The following SYTL2 variants were observed in gnomAD, a reference collection of about 807,000 sequenced individuals.
The protein encoded by SYTL2 is synaptotagmin-like protein 2.
A neutral mutation model predicts 198.7 loss-of-function variants in SYTL2; 165 were observed. The observed-to-expected ratio is 0.83, with a 90% confidence interval of 0.73 to 0.94. SYTL2 has a LOEUF of 0.94. SYTL2 is among the 40% of genes least tolerant of loss of function. SYTL2 has a pLI of 0.00. For synonymous variants in SYTL2, 966 were observed against 917.7 expected (o/e 1.05, Z -0.95); for missense variants, 2,835 against 2,582.8 (o/e 1.10, Z -2.12).
rs2089262836 is a variant in SYTL2, at chr11:85,726,896, T to A, written c.2462A>T (p.Gln821Leu). ...EKPTSSCSQEQPSAKAYQPVK... is the reference protein window; with the variant it reads ...EKPTSSCSQELPSAKAYQPVK... ...AGGCTGATATGCTTTAGCAGAAGGT[T>A]GTTCCTGGCTACATGAAGATGTGGG... Residue 821 changes from glutamine to leucine, a missense_variant, in exon 8 of 20, where the codon CAA becomes CTA. Gln to Leu is a moderately radical substitution (Grantham distance 113). Coordinates refer to ENST00000359152, the MANE Select transcript of SYTL2 (RefSeq NM_206927.4). 1.3e-6 allele frequency: 2 copies of A among 1,536,664 alleles called. No homozygotes were observed. Among genetic ancestry groups the A allele is most frequent in the East Asian group, 2.4e-5 (1 of 40,920 alleles).
intron 7 of SYTL2, 79 bp downstream of exon 7, chr11:85,733,860 A>G (rs2090078463): frequency 8.4e-7 from 1 of 1,183,852 alleles, no homozygotes; most frequent in Non-Finnish European, 1.2e-6. Context: ...CGGCCTCCCA[A>G]AGTGCTGGGA....
intron 8 of SYTL2, 72 bp downstream of exon 8, chr11:85,723,960 A>C: frequency 1.1e-6 from 1 of 904,368 alleles, no homozygotes; most frequent in East Asian, 2.9e-5. Flanking sequence ...ATCCCAATTA[A>C]AAAAAATCAT....
rs778315655 is a variant in SYTL2 at position 85,748,324 on chromosome 11, A to T, written c.201T>A (p.His67Gln). Residue 67 changes from histidine (H) to glutamine (Q), a missense_variant, in exon 3 of 20, where the codon CAT becomes CAA. By Grantham distance (24) the His-to-Gln change is conservative. Around this residue, in one of 3 missense-constraint regions of SYTL2, gnomAD observed 2,645 missense variants for 2,381.7 expected, o/e 1.11. Coordinates refer to ENST00000359152, the MANE Select transcript of SYTL2 (RefSeq NM_206927.4). ...AKAKRHRDKI[H>Q]GADIIRASMR... ...TAGATGCTCTGATGATATCTGCGCC[A>T]TGGATTTTGTCCCTGTGCCTTTTTG... is the stretch of plus-strand genomic sequence containing the variant. 3 of 1,613,900 alleles carry T rather than the reference A, an allele frequency of 1.9e-6. No homozygotes were observed. Among genetic ancestry groups the T allele is most frequent in the Non-Finnish European group, 2.5e-6 (3 of 1,179,918 alleles).
chr11:85,786,657 G>C (rs1055826757), intron 1 of SYTL2, among the ~76,000 whole-genome samples: 1 of 152,208 alleles, frequency 6.6e-6, no homozygotes, highest in Admixed American at 6.5e-5. Flanking sequence ...CAGGTCGAGA[G>C]AGGGGGCATC....
intron 9 of SYTL2, chr11:85,719,429 A>T (rs941593626): frequency 5.0e-5 from 30 of 596,582 alleles, no homozygotes; most frequent in Non-Finnish European, 6.3e-5. Flanking sequence ...ATTCCTGAGT[A>T]CTTTAAAGCT....
At chr11:85,822,374 C>A in the SYTL2 span, among the ~76,000 whole-genome samples, 1 of 152,232 alleles carries the variant, frequency 6.6e-6, no homozygotes, top group Non-Finnish European at 1.5e-5. Context: ...AAGACTGGAT[C>A]TTACTATTTG....
chr11:85,807,872 T>C (rs984827844), intron 1 of SYTL2, among the ~76,000 whole-genome samples: 1 of 152,172 alleles, frequency 6.6e-6, no homozygotes, highest in Non-Finnish European at 1.5e-5. Flanking sequence ...CTTTTAATTA[T>C]TCATGATTTT....
At chr11:85,770,735 C>T (rs1373247389) in intron 1 of SYTL2, among the ~76,000 whole-genome samples, 1 of 152,184 alleles carries the variant, frequency 6.6e-6, no homozygotes, top group Non-Finnish European at 1.5e-5. Flanking sequence ...TCACTCAAGT[C>T]CCAGTGTAAA....
intron 6 of SYTL2, among the ~76,000 whole-genome samples, 178 bp from the exon 7 acceptor site, chr11:85,734,920 C>T (rs1232072882): frequency 6.6e-6 from 1 of 152,190 alleles, no homozygotes; most frequent in African/African-American, 2.4e-5. Context: ...CATTGGAGCA[C>T]AGAGGACTTT....
chr11:85,771,914 A>AT (rs1467721404), intron 1 of SYTL2, among the ~76,000 whole-genome samples: 5 of 151,478 alleles, frequency 3.3e-5, no homozygotes, highest in South Asian at 2.1e-4. Flanking sequence ...ATATATATAT[A>AT]TTTTTTGAGA....
chr11:85,709,882 C>T (rs1413829606), intron 13 of SYTL2, among the ~76,000 whole-genome samples: 1 of 152,156 alleles, frequency 6.6e-6, no homozygotes, highest in African/African-American at 2.4e-5. Flanking sequence ...GGGGTTTCAC[C>T]AGGTTAGCCA....
chr11:85,754,888 G>C (rs998709100), intron 2 of SYTL2, among the ~76,000 whole-genome samples: 1 of 152,162 alleles, frequency 6.6e-6, no homozygotes, highest in Non-Finnish European at 1.5e-5. Flanking sequence ...GCAGAATAGA[G>C]CAGAGGGAAA....
At chr11:85,770,576 T>C (rs2092335097) in intron 1 of SYTL2, among the ~76,000 whole-genome samples, 3 of 152,194 alleles carry the variant, frequency 2.0e-5, no homozygotes, top group Admixed American at 6.5e-5. Flanking sequence ...CAATCTTCTT[T>C]CCTACAGGAC....
At chr11:85,743,381 C>T (rs2090939664) in intron 4 of SYTL2, among the ~76,000 whole-genome samples, 1 of 152,176 alleles carries the variant, frequency 6.6e-6, no homozygotes, top group Non-Finnish European at 1.5e-5. Flanking sequence ...ATAGGACTGG[C>T]CTTTAATGAG....
chr11:85,794,454 C>T (rs1323458441), intron 1 of SYTL2, among the ~76,000 whole-genome samples: 1 of 152,196 alleles, frequency 6.6e-6, no homozygotes, highest in Non-Finnish European at 1.5e-5. Context: ...GCTGGGATTA[C>T]AGTCACGAGC....
At chr11:85,711,016 A>T in intron 13 of SYTL2, 97 bp downstream of exon 13, 1 of 1,337,820 alleles carries the variant, frequency 7.5e-7, no homozygotes, top group Non-Finnish European at 1.0e-6. Context: ...GTGCCCTGAG[A>T]AATACAGGAG....
At chr11:85,717,774 A>G in intron 10 of SYTL2, 1 of 541,306 alleles carries the variant, frequency 1.8e-6, no homozygotes, top group Non-Finnish European at 3.5e-6. Flanking sequence ...GTAATTCACT[A>G]GACCACAGTA....
At chr11:85,713,692 C>A (rs1440720216) in intron 12 of SYTL2, among the ~76,000 whole-genome samples, 1 of 152,140 alleles carries the variant, frequency 6.6e-6, no homozygotes, top group Non-Finnish European at 1.5e-5. Context: ...TAGTCCTTAC[C>A]ACATATAGTT....
At chr11:85,817,501 T>G in the SYTL2 span, among the ~76,000 whole-genome samples, 1 of 152,222 alleles carries the variant, frequency 6.6e-6, no homozygotes, top group Admixed American at 6.5e-5. Context: ...GAAAATTAAT[T>G]TCATCTGTTT....
Sources: allele counts gnomAD v4.1 joint callset (sites outside exome capture counted in the v4.1 genomes callset), GRCh38; gene constraint gnomAD v4.1.1; regional missense constraint gnomAD v4.1.1; transcripts MANE v1.5; gene names NCBI Gene and HGNC (gene_info 2026-07-23, HGNC 2026-07-21).